SOX6: variants seen among roughly 807,000 people sequenced by gnomAD.
The protein encoded by SOX6 is transcription factor SOX-6.
A neutral mutation model predicts 97.8 loss-of-function variants in SOX6; 11 were observed. That is an observed-to-expected ratio of 0.11 (90% confidence interval 0.07 to 0.19). The LOEUF (loss-of-function observed/expected upper bound fraction) is 0.19. SOX6 is among the 10% of genes least tolerant of loss of function. SOX6 has a pLI of 1.00. For synonymous variants in SOX6, 360 were observed against 371.4 expected (o/e 0.97, Z 0.35); for missense variants, 810 against 1,039.5 (o/e 0.78, Z 3.04).
At chr11:16,567,681 C>T (rs2133196618) in intron 4 of SOX6, among the ~76,000 whole-genome samples, 1 of 149,022 alleles carries the variant, frequency 6.7e-6, no homozygotes, top group South Asian at 2.1e-4. Context: ...ATTCTCCTGC[C>T]TCAGCCTCCT....
chr11:16,501,773 C>T lies in SOX6; in HGVS notation n.610-25385G>A, dbSNP rs1379557552. On this transcript the variant is annotated intron_variant and non_coding_transcript_variant, in intron 4 of 5. Coordinates refer to the SOX6 transcript ENST00000524520. Reference sequence around the variant, plus strand: ...AAAACCACAATGAGATACCATCTTACACCAGTTAGAATGGCAATCATTGAA... The same window carrying T: ...AAAACCACAATGAGATACCATCTTATACCAGTTAGAATGGCAATCATTGAA... Among the ~76,000 whole-genome samples the T allele has an allele frequency of 7.2e-5, 11 of 152,328 alleles. No homozygotes were observed. The South Asian group carries it at 8.3e-4, about 11-fold the overall frequency.
chr11:16,717,263 C>T (rs188865502), intron 2 of SOX6, among the ~76,000 whole-genome samples: 1 of 152,140 alleles, frequency 6.6e-6, no homozygotes, highest in African/African-American at 2.4e-5. Flanking sequence ...ACTAGTTTGG[C>T]TCTGTGAGAA....
At chr11:16,196,124 T>C (rs373564273) in intron 4 of SOX6, among the ~76,000 whole-genome samples, 189 of 152,354 alleles carry the variant, frequency 1.2e-3, no homozygotes, top group African/African-American at 4.3e-3. Flanking sequence ...CTTAAACTTA[T>C]ACTACAATTG....
chr11:16,356,177 T>G lies in SOX6; in HGVS notation c.-88A>C, dbSNP rs1228036992. On this transcript the variant is annotated 5_prime_UTR_variant, in exon 1 of 16. Transcript: ENST00000683767. Reference sequence around the variant, plus strand: ...CTTCAGAACTTGAGGGCATAACACCTTTGACACCTTCCCAAATCACAAGAA... The same window carrying G: ...CTTCAGAACTTGAGGGCATAACACCGTTGACACCTTCCCAAATCACAAGAA... Among the ~76,000 whole-genome samples the G allele has an allele frequency of 6.6e-6, 1 of 151,372 alleles. No homozygotes were observed. The highest frequency in any genetic ancestry group is 1.5e-5 in the Non-Finnish European group (1 of 67,840).
At chr11:16,212,127 G>T (rs899629329) in intron 4 of SOX6, among the ~76,000 whole-genome samples, 3 of 152,150 alleles carry the variant, frequency 2.0e-5, no homozygotes, top group Non-Finnish European at 4.4e-5. Context: ...CAGATACACT[G>T]TAAACAGATA....
rs189755244 is a variant in SOX6 at position 16,343,809 on chromosome 11, C to T, written c.-4-2557G>A. On this transcript the variant is annotated intron_variant, in intron 1 of 15. Coordinates refer to ENST00000683767, the MANE Select transcript of SOX6 (RefSeq NM_001367873.1). ...GTCTTCTGGTGATTCCTCCAGTGGC[C>T]ATTCAGGAATGCTACCTATTTATAA... Among the ~76,000 whole-genome samples the T allele has an allele frequency of 4.2e-3, 631 of 151,978 alleles. 3 individuals carry two copies. Among genetic ancestry groups the T allele is most frequent in the Non-Finnish European group, 6.3e-3 (430 of 67,820 alleles).
chr11:16,203,546 T>C (rs35498721), intron 4 of SOX6, among the ~76,000 whole-genome samples: 1,604 of 152,276 alleles, frequency 0.011, 25 homozygotes, highest in African/African-American at 0.037. Flanking sequence ...CAGACATGGT[T>C]ATATCAAACA....
intron 3 of SOX6, among the ~76,000 whole-genome samples, chr11:16,623,339 T>A (rs1422338206): frequency 2.0e-5 from 3 of 152,148 alleles, no homozygotes; most frequent in African/African-American, 7.2e-5. Flanking sequence ...TTTTTTAATA[T>A]GTTTGTTGGC....
chr11:16,182,773 A>C (rs546254659), intron 6 of SOX6, among the ~76,000 whole-genome samples: 2 of 152,070 alleles, frequency 1.3e-5, no homozygotes, highest in African/African-American at 4.8e-5. Flanking sequence ...ATACCAAATT[A>C]GTACTTTAAG....
intron 4 of SOX6, among the ~76,000 whole-genome samples, chr11:16,496,588 AC>A (rs1425037055): frequency 1.3e-5 from 2 of 152,210 alleles, no homozygotes; most frequent in African/African-American, 4.8e-5. Context: ...GGGGTGACAG[AC>A]AACACCTGGA....
chr11:16,242,750 A>G (rs1182828185), intron 3 of SOX6, among the ~76,000 whole-genome samples: 1 of 151,920 alleles, frequency 6.6e-6, no homozygotes, highest in Non-Finnish European at 1.5e-5. Context: ...TAATGCCATA[A>G]TATTAAATTA....
chr11:16,196,865 A>C (rs1590018892), intron 4 of SOX6, among the ~76,000 whole-genome samples: 1 of 116,452 alleles, frequency 8.6e-6, no homozygotes, highest in African/African-American at 3.4e-5. Context: ...ATGGAGTCTC[A>C]CTCTGTTACC....
chr11:16,520,207 T>C (rs551409637), intron 4 of SOX6, among the ~76,000 whole-genome samples: 110 of 152,358 alleles, frequency 7.2e-4, no homozygotes, highest in African/African-American at 2.5e-3. Flanking sequence ...TTTAATTAAG[T>C]TCCACTTGTC....
intron 3 of SOX6, among the ~76,000 whole-genome samples, chr11:16,305,300 G>A (rs187687692): frequency 3.9e-5 from 6 of 152,274 alleles, no homozygotes; most frequent in Admixed American, 2.0e-4. Context: ...GCAAACAAAC[G>A]TGTGAAATAA....
At chr11:16,480,204 C>A (rs1414437862), upstream of SOX6, among the ~76,000 whole-genome samples, 1 of 151,958 alleles carries the variant, frequency 6.6e-6, no homozygotes, top group Non-Finnish European at 1.5e-5. Context: ...GGCAGGGTGC[C>A]ATAGGTTCTT....
chr11:16,154,411 T>A (rs906549088), intron 6 of SOX6, among the ~76,000 whole-genome samples: 1 of 152,132 alleles, frequency 6.6e-6, no homozygotes, highest in Non-Finnish European at 1.5e-5. Context: ...ACGCCACTTA[T>A]CCCTGTGCAG....
At position 16,161,315 on chromosome 11, in the gene SOX6, G is replaced by GATATAT. The variant is rs58290065; in HGVS notation, c.777+22565_777+22570dup. Among the ~76,000 whole-genome samples the GATATAT allele has an allele frequency of 1.9e-3, 272 of 143,932 alleles. 1 individual carries two copies. The highest frequency in any genetic ancestry group is 6.7e-3 in the African/African-American group (265 of 39,402). 94.4% of individuals were successfully genotyped at this position (143,932 alleles called of 152,430 possible). ...ACACTTAAGATTTGACAATGAATTTGATATATATATATATATATCAGATAT... is the reference window on the plus strand; with the variant it reads ...ACACTTAAGATTTGACAATGAATTTGATATATATATATATATATATATATCAGATAT... On this transcript the variant is annotated intron_variant, in intron 6 of 15. Coordinates refer to ENST00000683767, the MANE Select transcript of SOX6 (RefSeq NM_001367873.1).
intron 3 of SOX6, among the ~76,000 whole-genome samples, chr11:16,679,984 T>C (rs574230485): frequency 1.7e-4 from 26 of 152,342 alleles, no homozygotes; most frequent in African/African-American, 6.3e-4. Flanking sequence ...CTATGTCTGA[T>C]TGGTGTAACT....
chr11:16,429,789 C>T (rs900717963), intron 1 of SOX6, among the ~76,000 whole-genome samples: 1 of 151,982 alleles, frequency 6.6e-6, no homozygotes, highest in Non-Finnish European at 1.5e-5. Flanking sequence ...CACAAGCTTA[C>T]GTATGTAACA....
Sources: allele counts gnomAD v4.1 joint callset (sites outside exome capture counted in the v4.1 genomes callset), GRCh38; gene constraint gnomAD v4.1.1; transcripts MANE v1.5; gene names NCBI Gene and HGNC (gene_info 2026-07-23, HGNC 2026-07-21).